Variants in KIF13A observed in about 807,000 individuals in gnomAD.
KIF13A encodes kinesin-like protein KIF13A.
KIF13A carries 79 observed loss-of-function variants against 212.2 expected under a neutral mutation model. That is an observed-to-expected ratio of 0.37 (90% confidence interval 0.31 to 0.45). The LOEUF is 0.45. Among genes scored for constraint, KIF13A ranks in the 20% least tolerant of loss-of-function variants. The pLI, the probability that KIF13A is intolerant of heterozygous loss-of-function variation, is 1.00. For missense variants in KIF13A, 1,901 were observed against 2,209.0 expected, an observed-to-expected ratio of 0.86 and a Z score of 2.79; for synonymous variants, 789 against 808.6, an observed-to-expected ratio of 0.98 and a Z score of 0.41.
chr6:17,947,325 A>G lies in KIF13A; in HGVS notation c.146+39729T>C, dbSNP rs1777490316. Among the ~76,000 whole-genome samples the G allele has an allele frequency of 6.6e-6, 1 of 152,130 alleles. No individual in the cohort carries two copies. On this transcript the variant is annotated intron_variant, in intron 2 of 38. Transcript: ENST00000259711. This position sits in a 1 kb window ranked among gnomAD's most constrained non-coding sequence, Gnocchi z 4.6. Reference sequence around the variant, plus strand: ...AAATATATAAGTTATATACTTCTTTATTATACATGCAATGAATTTTTTAAA... The same window carrying G: ...AAATATATAAGTTATATACTTCTTTGTTATACATGCAATGAATTTTTTAAA...
chr6:17,836,740 A>T, intron 11 of KIF13A, 138 bp downstream of exon 11: 1 of 790,854 alleles, frequency 1.3e-6, no homozygotes, highest in Non-Finnish European at 2.1e-6. Context: ...TGGTGATTAC[A>T]ATTCAACATG....
rs1765202911 is a variant in KIF13A, at chr6:17,828,987, A to C, written c.1402-617T>G. On this transcript the variant is annotated intron_variant, in intron 13 of 38. Transcript: ENST00000259711. This position sits in a 1 kb window ranked among gnomAD's most constrained non-coding sequence, Gnocchi z 4.3. The stretch of plus-strand genomic sequence containing the variant: ...TTTTGACATGGTGTCTCACTCTGTC[A>C]CCCAGGCTGGAGTGCAGTGGTGCAA... 1.3e-5 allele frequency among the ~76,000 whole-genome samples: 2 copies of C among 149,022 alleles called. No homozygotes were observed. The highest frequency in any genetic ancestry group is 3.0e-5 in the Non-Finnish European group (2 of 67,636).
chr6:17,958,241 A>C (rs1184388306), intron 2 of KIF13A, among the ~76,000 whole-genome samples: 1 of 152,242 alleles, frequency 6.6e-6, no homozygotes, highest in Non-Finnish European at 1.5e-5. Context: ...TACTATCGCT[A>C]GATGATCATC....
intron 2 of KIF13A, among the ~76,000 whole-genome samples, chr6:17,901,336 C>T (rs758341066): frequency 9.2e-5 from 14 of 151,962 alleles, no homozygotes; most frequent in South Asian, 2.1e-4. Context: ...TGTGATATTA[C>T]AATGTAAAAA....
At chr6:17,911,588 T>A (rs1774063260) in intron 2 of KIF13A, among the ~76,000 whole-genome samples, 1 of 151,638 alleles carries the variant, frequency 6.6e-6, no homozygotes, top group South Asian at 2.1e-4. Flanking sequence ...ATTTGTGGGA[T>A]CTAAAAATCA....
In KIF13A at chr6:17,915,902, C is replaced by A. The variant is rs958111239; in HGVS notation, c.147-17722G>T. ...ATTGCAGTAAGCCAAGATGGCACCACTGCACTCAAGCCTGGGTGACAGAGA... is the reference window on the plus strand; with the variant it reads ...ATTGCAGTAAGCCAAGATGGCACCAATGCACTCAAGCCTGGGTGACAGAGA... On this transcript the variant is annotated intron_variant, in intron 2 of 38. Transcript: ENST00000259711. This position sits in a 1 kb window ranked among gnomAD's most constrained non-coding sequence, Gnocchi z 4.4. Among the ~76,000 whole-genome samples, 2 of 150,482 alleles carry A rather than the reference C, an allele frequency of 1.3e-5. No homozygotes were observed. The highest frequency in any genetic ancestry group is 2.9e-5 in the Non-Finnish European group (2 of 67,834).
At chr6:17,765,915 C>T (rs914649008) in intron 38 of KIF13A, among the ~76,000 whole-genome samples, 6 of 152,224 alleles carry the variant, frequency 3.9e-5, no homozygotes, top group Non-Finnish European at 8.8e-5. Context: ...CACTACATGG[C>T]AGCCATTGTC....
intron 2 of KIF13A, among the ~76,000 whole-genome samples, chr6:17,952,454 A>G (rs561736286): frequency 1.3e-5 from 2 of 151,880 alleles, no homozygotes; most frequent in South Asian, 4.2e-4. Flanking sequence ...GCAACATGGC[A>G]AGATTCTGCC....
intron 3 of KIF13A, among the ~76,000 whole-genome samples, chr6:17,887,705 T>C (rs1771671539): frequency 6.6e-6 from 1 of 152,154 alleles, no homozygotes; most frequent in African/African-American, 2.4e-5. Flanking sequence ...TCTTGATTCT[T>C]TTTTTGAGTC....
intron 31 of KIF13A, among the ~76,000 whole-genome samples, chr6:17,780,024 G>T (rs992561005): frequency 2.6e-5 from 4 of 152,140 alleles, no homozygotes; most frequent in Non-Finnish European, 2.9e-5. Flanking sequence ...GGGACTACAG[G>T]CGTGAGCCAC....
In KIF13A at chr6:17,967,628, C is replaced by A. The variant is rs1197060038; in HGVS notation, c.146+19426G>T. ...TCATGATGCCCCCACACACAGACTG[C>A]TATCAGCAACAACTTTGTATAAGCT... On this transcript the variant is annotated intron_variant, in intron 2 of 38. Transcript: ENST00000259711. This position sits in a 1 kb window ranked among gnomAD's most constrained non-coding sequence, Gnocchi z 4.1. 6.6e-6 allele frequency among the ~76,000 whole-genome samples: 1 copy of A among 152,168 alleles called. No homozygotes were observed. Among genetic ancestry groups the A allele is most frequent in the Non-Finnish European group, 1.5e-5 (1 of 68,030 alleles).
intron 2 of KIF13A, among the ~76,000 whole-genome samples, chr6:17,969,897 C>G (rs1451726975): frequency 6.6e-6 from 1 of 151,694 alleles, no homozygotes; most frequent in Non-Finnish European, 1.5e-5. Flanking sequence ...ACCATACAAA[C>G]CTAAATGCCT....
intron 3 of KIF13A, among the ~76,000 whole-genome samples, chr6:17,893,056 G>C (rs553110493): frequency 6.6e-6 from 1 of 152,300 alleles, no homozygotes; most frequent in African/African-American, 2.4e-5. Flanking sequence ...TAACCTGTAG[G>C]TCTGTGCTAA....
chr6:17,815,199 C>A (rs1458275476), intron 17 of KIF13A, among the ~76,000 whole-genome samples: 4 of 152,358 alleles, frequency 2.6e-5, no homozygotes, highest in African/African-American at 7.2e-5. Flanking sequence ...TAAGTACTTT[C>A]GCTAATCCTG....
chr6:17,873,410 AC>A lies in KIF13A; in HGVS notation c.186del (p.Trp62CysfsTer51). The A allele has an allele frequency of 6.3e-7, 1 of 1,593,592 alleles. No individual in the cohort carries two copies. Among genetic ancestry groups the A allele is most frequent in the Non-Finnish European group, 8.6e-7 (1 of 1,169,096 alleles). On this transcript the variant is annotated frameshift_variant, in exon 4 of 39. Transcript: ENST00000259711. LOFTEE classifies it high-confidence loss of function. ...PKVFAFDYCF[W>X]SMDESNTTKY... The stretch of plus-strand genomic sequence containing the variant: ...TTTGTAGTGTTAGATTCATCCATGG[AC>A]CAAAAGCAATAATCAAAGGCAAATA...
Position 17,839,978 on chromosome 6 carries a change from A to G in KIF13A, c.831-2395T>C, listed in dbSNP as rs1014259500. Among the ~76,000 whole-genome samples, 4 of 152,220 alleles carry G rather than the reference A, an allele frequency of 2.6e-5. No individual in the cohort carries two copies. Among genetic ancestry groups the G allele is most frequent in the African/African-American group, 9.6e-5 (4 of 41,466 alleles). ...TGTGGTAATCTGTTACAGTAGCAAT[A>G]GCAATCGAACACAGCCATATACTGT... is the stretch of plus-strand genomic sequence containing the variant. On this transcript the variant is annotated intron_variant, in intron 9 of 38. Transcript: ENST00000259711. The surrounding 1 kb of genome is among the most constrained non-coding windows in gnomAD (Gnocchi z 4.3).
At position 17,849,595 on chromosome 6, in the gene KIF13A, A is replaced by C; in HGVS notation, c.718-106T>G. On this transcript the variant is annotated intron_variant, in intron 8 of 38. Transcript: ENST00000259711. This position sits in a 1 kb window ranked among gnomAD's most constrained non-coding sequence, Gnocchi z 5.7. ...ATTGAGCAATCCATCCCACTCTCAT[A>C]TGGCAAATTTCTTAAGTTTTTAAAC... 2 of 667,500 alleles carry C rather than the reference A, an allele frequency of 3.0e-6. No homozygotes were observed. Among genetic ancestry groups the C allele is most frequent in the East Asian group, 3.0e-5 (1 of 32,874 alleles). 41.3% of individuals were successfully genotyped at this position (667,500 alleles called of 1,614,324 possible). A position where few individuals can be genotyped will look rare whatever the true frequency, so the allele number is the denominator to read the frequency against.
At chr6:17,805,921 G>A (rs1358264611) in intron 18 of KIF13A, among the ~76,000 whole-genome samples, 1 of 41,686 alleles carries the variant, frequency 2.4e-5, no homozygotes, top group Admixed American at 3.9e-4. Context: ...TCATAAGCAC[G>A]ATTTTTTTTT....
At position 17,800,595 on chromosome 6, in the gene KIF13A, C is replaced by A. The variant is rs961712313; in HGVS notation, c.2455-482G>T. ...GGGATTACAGGTGCGTGCTACCACG[C>A]CCAGCTAATTTTTTTTTTTTTTTGA... On this transcript the variant is annotated intron_variant, in intron 20 of 38. Coordinates refer to ENST00000259711, the MANE Select transcript of KIF13A (RefSeq NM_022113.6). 3.9e-5 allele frequency among the ~76,000 whole-genome samples: 5 copies of A among 127,604 alleles called. No homozygotes were observed. In the East Asian group the frequency reaches 1.3e-3, roughly 33 times the overall value. The allele number at this position is 127,604 out of a possible 152,430, so 83.7% of individuals were successfully genotyped here.
Sources: allele counts gnomAD v4.1 joint callset (sites outside exome capture counted in the v4.1 genomes callset), GRCh38; gene constraint gnomAD v4.1.1; non-coding constraint Gnocchi (gnomAD v3.1); transcripts MANE v1.5; gene names NCBI Gene and HGNC (gene_info 2026-07-23, HGNC 2026-07-21).